The following ADGRB3 variants were observed in gnomAD, a reference collection of about 807,000 sequenced individuals.
The protein encoded by ADGRB3 is brain-specific angiogenesis inhibitor 3.
Under a neutral mutation model 193.4 loss-of-function variants are expected in ADGRB3, and 37 were observed. That is an observed-to-expected ratio of 0.19 (90% CI 0.15 to 0.25). ADGRB3 has a LOEUF of 0.25. Among genes scored for constraint, ADGRB3 ranks in the 10% least tolerant of loss-of-function variants. The pLI, the probability that ADGRB3 is intolerant of heterozygous loss-of-function variation, is 1.00. For synonymous variants in ADGRB3, 690 were observed against 644.2 expected, an observed-to-expected ratio of 1.07 and a Z score of -1.08; for missense variants, 1,637 against 1,852.9, an observed-to-expected ratio of 0.88 and a Z score of 2.14.
At chr6:69,350,561 T>G (rs1769200421) in intron 26 of ADGRB3, among the ~76,000 whole-genome samples, 1 of 152,108 alleles carries the variant, frequency 6.6e-6, no homozygotes. Context: ...ATCAAGTAAT[T>G]TTTTTAATGT....
At chr6:68,642,880 T>C (rs1768113500) in intron 3 of ADGRB3, among the ~76,000 whole-genome samples, 1 of 152,142 alleles carries the variant, frequency 6.6e-6, no homozygotes, top group Non-Finnish European at 1.5e-5. Flanking sequence ...TGGTATTTAT[T>C]AACAAAGTCA....
At chr6:69,279,401 A>G (rs1465284150) in intron 20 of ADGRB3, among the ~76,000 whole-genome samples, 2 of 151,652 alleles carry the variant, frequency 1.3e-5, no homozygotes, top group African/African-American at 4.8e-5. Context: ...TCTACCCAAC[A>G]TGTATTGTTT....
intron 26 of ADGRB3, among the ~76,000 whole-genome samples, chr6:69,347,035 G>T (rs1450609182): frequency 6.6e-6 from 1 of 152,126 alleles, no homozygotes; most frequent in African/African-American, 2.4e-5. Context: ...GCCATAAAAA[G>T]GATGGTTTCA....
At chr6:69,059,355 C>A (rs992766807) in intron 15 of ADGRB3, among the ~76,000 whole-genome samples, 1 of 151,998 alleles carries the variant, frequency 6.6e-6, no homozygotes, top group African/African-American at 2.4e-5. Flanking sequence ...CCCTTATATA[C>A]AAAGTGAGTC....
Position 68,722,705 on chromosome 6 carries a change from AT to A in ADGRB3, c.757+83281del, listed in dbSNP as rs1233303262. Among the ~76,000 whole-genome samples, 8 of 150,092 alleles carry A rather than the reference AT, an allele frequency of 5.3e-5. 1 individual carries two copies. In the East Asian group the frequency reaches 1.4e-3, roughly 26 times the overall value. On this transcript the variant is annotated intron_variant, in intron 3 of 31. Coordinates refer to ENST00000370598, the MANE Select transcript of ADGRB3 (RefSeq NM_001704.3). ...GATATGTGTTCCTAAAAAGCACTTT[AT>A]TTTTTTTAAATAATGTGATTACAGA... is the stretch of plus-strand genomic sequence containing the variant.
In ADGRB3 at chr6:68,956,188, G is replaced by A; in HGVS notation, c.1360G>A (p.Ala454Thr). The A allele has an allele frequency of 6.2e-7, 1 of 1,604,056 alleles. No homozygotes were observed. The highest frequency in any genetic ancestry group is 8.5e-7 in the Non-Finnish European group (1 of 1,173,716). The change falls in exon 7 of 32, where the codon GCC becomes ACC. Residue 454 changes from alanine to threonine, a missense_variant and splice_region_variant. Physicochemically the swap from Ala to Thr is moderately conservative, Grantham distance 58 (BLOSUM62 0). Coordinates refer to ENST00000370598, the MANE Select transcript of ADGRB3 (RefSeq NM_001704.3). ...SRECYNPECT[A>T]NGQWNQWGHW... ...AGAGTGCTATAACCCTGAATGTACA[G>A]GTAGGGCTTGATTCCTGCATATCAT...
At chr6:68,703,623 TTTTG>T (rs935693749) in intron 3 of ADGRB3, among the ~76,000 whole-genome samples, 1 of 152,136 alleles carries the variant, frequency 6.6e-6, no homozygotes, top group African/African-American at 2.4e-5. Context: ...TTAAGATTTT[TTTTG>T]TTTGTTTGTT....
chr6:68,765,732 A>G (rs1254462743), intron 3 of ADGRB3, among the ~76,000 whole-genome samples: 2 of 152,040 alleles, frequency 1.3e-5, no homozygotes, highest in African/African-American at 4.8e-5. Flanking sequence ...CCTAAGATCA[A>G]AGTTATACTA....
At chr6:69,380,866 T>C (rs1928060) in intron 30 of ADGRB3, among the ~76,000 whole-genome samples, 139,588 of 151,920 alleles carry the variant, frequency 0.92, 64,211 homozygotes, top group East Asian at 1. Context: ...ATGTGATGCT[T>C]GTAAGCATGT....
chr6:68,772,885 AAAAAAAAAAATATATAT>A (rs1766652733), intron 3 of ADGRB3, among the ~76,000 whole-genome samples: 6 of 42,892 alleles, frequency 1.4e-4, no homozygotes, highest in South Asian at 1.6e-3. Context: ...AAACAAACAA[AAAAAAAAAAATATATAT>A]ATATATATAT....
At chr6:69,049,688 A>G (rs927571966) in intron 15 of ADGRB3, among the ~76,000 whole-genome samples, 1 of 152,114 alleles carries the variant, frequency 6.6e-6, no homozygotes, top group Non-Finnish European at 1.5e-5. Flanking sequence ...CTTTAGTTGT[A>G]CTTAATGGTA....
At chr6:68,786,246 G>A (rs1766966629) in intron 3 of ADGRB3, among the ~76,000 whole-genome samples, 2 of 95,306 alleles carry the variant, frequency 2.1e-5, no homozygotes, top group African/African-American at 7.7e-5. Flanking sequence ...TGTCCTGAAT[G>A]GTATTGCCTA....
At chr6:68,760,607 A>G (rs905939083) in intron 3 of ADGRB3, among the ~76,000 whole-genome samples, 3 of 152,240 alleles carry the variant, frequency 2.0e-5, no homozygotes, top group African/African-American at 7.2e-5. Context: ...GAGGAAAACA[A>G]CAAACGTAAT....
rs538944651 is a variant in ADGRB3, at chr6:69,203,010, T to C, written c.2481-30280T>C. ...TTCATAATCATAACAGCAAATATTA[T>C]GTGAAAATTAAAACCATGGCAGATA... On this transcript the variant is annotated intron_variant, in intron 17 of 31. Coordinates refer to ENST00000370598, the MANE Select transcript of ADGRB3 (RefSeq NM_001704.3). 3.9e-5 allele frequency among the ~76,000 whole-genome samples: 6 copies of C among 152,184 alleles called. No homozygotes were observed. The East Asian group carries it at 7.7e-4, about 20-fold the overall frequency.
chr6:68,982,940 A>G (rs1422262345), intron 10 of ADGRB3, among the ~76,000 whole-genome samples: 2 of 139,852 alleles, frequency 1.4e-5, no homozygotes, highest in East Asian at 3.9e-4. Flanking sequence ...CTTACCTCAG[A>G]AAAGATCTCT....
chr6:69,255,365 A>G (rs1326118588), intron 20 of ADGRB3, among the ~76,000 whole-genome samples: 1 of 152,070 alleles, frequency 6.6e-6, no homozygotes, highest in African/African-American at 2.4e-5. Flanking sequence ...CCTCTCCAGC[A>G]CCTGTTGTTT....
chr6:69,096,363 GTT>G (rs70987448), intron 17 of ADGRB3, among the ~76,000 whole-genome samples: 12,457 of 132,592 alleles, frequency 0.094, 1,127 homozygotes, highest in East Asian at 0.48. Flanking sequence ...ATTGTTTTGG[GTT>G]TTTTTTTTTT....
chr6:68,847,631 A>G (rs1365979870), intron 3 of ADGRB3, among the ~76,000 whole-genome samples: 6 of 152,096 alleles, frequency 3.9e-5, no homozygotes, highest in African/African-American at 1.4e-4. Context: ...GCCCTCTGCC[A>G]TGATTATGAG....
chr6:69,137,895 A>G (rs987073140), intron 17 of ADGRB3, among the ~76,000 whole-genome samples: 3 of 152,178 alleles, frequency 2.0e-5, no homozygotes, highest in African/African-American at 7.2e-5. Context: ...AATAGGTGAA[A>G]TGTTTGGCAG....
Sources: gnomAD v4.1 joint callset for allele counts (sites outside exome capture counted in the v4.1 genomes callset) on GRCh38, gnomAD v4.1.1 for gene constraint, MANE v1.5 for transcripts, NCBI Gene and HGNC (gene_info 2026-07-23, HGNC 2026-07-21) for gene names.